Variants in COX15 observed in about 807,000 individuals in gnomAD.
COX15 encodes cytochrome c oxidase assembly factor COX15.
In COX15, 51 loss-of-function variants were observed where a neutral mutation model predicts 51.9. The observed-to-expected ratio is 0.98, with a 90% confidence interval of 0.78 to 1.24. COX15 has a LOEUF of 1.24. Among genes scored for constraint, COX15 ranks in the 50% most tolerant of loss-of-function variants. The probability of loss-of-function intolerance (pLI) is 0.00; values close to 1 mark genes in which losing one functional copy is unlikely to be tolerated. For synonymous variants in COX15, 188 were observed against 190.5 expected, an observed-to-expected ratio of 0.99 and a Z score of 0.11; for missense variants, 420 against 501.1, an observed-to-expected ratio of 0.84 and a Z score of 1.55.
chr10:99,703,075 A>G, the COX15 span, among the ~76,000 whole-genome samples: 4 of 152,354 alleles, frequency 2.6e-5, no homozygotes, highest in Non-Finnish European at 5.9e-5. Context: ...GCAATCTTTC[A>G]TAACATACAG....
At chr10:99,697,093 T>C in the COX15 span, among the ~76,000 whole-genome samples, 1 of 152,216 alleles carries the variant, frequency 6.6e-6, no homozygotes, top group Non-Finnish European at 1.5e-5. Context: ...CAATCAATTA[T>C]CTTATATTTA....
downstream of COX15, chr10:99,709,308 T>A (rs991564987): frequency 2.0e-6 from 2 of 985,406 alleles, no homozygotes; most frequent in Non-Finnish European, 2.4e-6. Context: ...TATCTAATTG[T>A]CCTTTTTGCT....
intron 1 of COX15, among the ~76,000 whole-genome samples, chr10:99,731,710 A>G (rs2037153491): frequency 6.6e-6 from 1 of 152,224 alleles, no homozygotes; most frequent in Non-Finnish European, 1.5e-5. Context: ...AACAAACCTT[A>G]AAGTAGGTAT....
chr10:99,717,205 C>T (rs1307624084), intron 7 of COX15, among the ~76,000 whole-genome samples: 3 of 152,126 alleles, frequency 2.0e-5, no homozygotes, highest in South Asian at 2.1e-4. Context: ...TCATCTCACA[C>T]TCAACATACC....
downstream of COX15, among the ~76,000 whole-genome samples, chr10:99,708,259 T>A (rs951647688): frequency 6.6e-6 from 1 of 152,256 alleles, no homozygotes; most frequent in African/African-American, 2.4e-5. Context: ...CTAGTGTTTT[T>A]AGGCATTAAC....
chr10:99,724,242 G>A (rs1225854521), intron 4 of COX15, 119 bp from the exon 5 acceptor site: 3 of 1,159,964 alleles, frequency 2.6e-6, no homozygotes, highest in Non-Finnish European at 3.7e-6. Context: ...GAGTGCAGTG[G>A]CGGGATCTTG....
chr10:99,714,015 T>G lies in COX15; in HGVS notation c.*572A>C, dbSNP rs1340293338. On this transcript the variant is annotated 3_prime_UTR_variant, in exon 9 of 9. Transcript: ENST00000016171. ...GGAACTATTTGGCGATTACCTCCTTTTCCAAGTACTTAAAAACCATTTTGC... is the reference window on the plus strand; with the variant it reads ...GGAACTATTTGGCGATTACCTCCTTGTCCAAGTACTTAAAAACCATTTTGC... 1.0e-6 allele frequency: 1 copy of G among 1,000,650 alleles called. No homozygotes were observed. The highest frequency in any genetic ancestry group is 1.2e-6 in the Non-Finnish European group (1 of 839,246). 62.0% of individuals were successfully genotyped at this position (1,000,650 alleles called of 1,614,324 possible).
At chr10:99,707,944 GTTT>G (rs2036284899), downstream of COX15, among the ~76,000 whole-genome samples, 1 of 152,150 alleles carries the variant, frequency 6.6e-6, no homozygotes, top group Non-Finnish European at 1.5e-5. Context: ...ACAAGTGCAG[GTTT>G]GTTACATGAG....
At chr10:99,698,069 T>C in the COX15 span, 2 of 194,736 alleles carry the variant, frequency 1.0e-5, no homozygotes, top group African/African-American at 4.7e-5. Context: ...GAGGCAGGCA[T>C]GGGCTCCATC....
chr10:99,711,492 G>A lies in COX15; in HGVS notation c.*3095C>T. On this transcript the variant is annotated 3_prime_UTR_variant, in exon 9 of 9. Transcript: ENST00000016171. ...AGCAACATAGCAGATCAAATGATAAGGTGGGGTGGAAATTAGAAGGGAATG... is the reference window on the plus strand; with the variant it reads ...AGCAACATAGCAGATCAAATGATAAAGTGGGGTGGAAATTAGAAGGGAATG... 2 of 985,354 alleles carry A rather than the reference G, an allele frequency of 2.0e-6. No homozygotes were observed. The highest frequency in any genetic ancestry group is 2.4e-6 in the Non-Finnish European group (2 of 829,914). 61.0% of individuals were successfully genotyped at this position (985,354 alleles called of 1,614,324 possible).
At position 99,713,947 on chromosome 10, in the gene COX15, G is replaced by A. The variant is rs1284915770; in HGVS notation, c.*640C>T. ...GATCACGCCATTGTACTCCAGCCTG[G>A]GCAACAAGAGTGAAACTCTGTCTCA... is the stretch of plus-strand genomic sequence containing the variant. On this transcript the variant is annotated 3_prime_UTR_variant, in exon 9 of 9. Coordinates refer to ENST00000016171, the MANE Select transcript of COX15 (RefSeq NM_078470.6). 2.1e-6 allele frequency: 2 copies of A among 955,550 alleles called. No homozygotes were observed. The highest frequency in any genetic ancestry group is 1.1e-4 in the Admixed American group (2 of 17,818). 59.2% of individuals were successfully genotyped at this position (955,550 alleles called of 1,614,324 possible).
chr10:99,695,441 G>A, the COX15 span, among the ~76,000 whole-genome samples: 77 of 152,046 alleles, frequency 5.1e-4, no homozygotes, highest in South Asian at 8.3e-4. Context: ...AGAATTGCTT[G>A]AACCCGGGAG....
At position 99,726,953 on chromosome 10, in the gene COX15, T is replaced by G. The variant is rs1057521181; in HGVS notation, c.582+15A>C. Reference sequence around the variant, plus strand: ...TGGGAGCATTTCTGGTTTCTCAACCTTGAATAAATCTTACCTGGAAGCAGA... The same window carrying G: ...TGGGAGCATTTCTGGTTTCTCAACCGTGAATAAATCTTACCTGGAAGCAGA... On this transcript the variant is annotated intron_variant, in intron 4 of 8. Transcript: ENST00000016171. 6.2e-7 allele frequency: 1 copy of G among 1,607,212 alleles called. No homozygotes were observed. The highest frequency in any genetic ancestry group is 2.2e-5 in the East Asian group (1 of 44,658).
the COX15 span, chr10:99,698,448 T>C: frequency 5.3e-6 from 7 of 1,317,422 alleles, no homozygotes; most frequent in South Asian, 4.3e-5. Context: ...TAGTAAGATA[T>C]TTCTGATGCA....
At chr10:99,716,653 A>G in intron 7 of COX15, 192 bp from the exon 8 acceptor site, 1 of 546,408 alleles carries the variant, frequency 1.8e-6, no homozygotes, top group Non-Finnish European at 3.4e-6. Flanking sequence ...TCTGCTTGCC[A>G]CTTAAACGTC....
the COX15 span, among the ~76,000 whole-genome samples, chr10:99,703,138 AT>A: frequency 6.6e-6 from 1 of 152,234 alleles, no homozygotes; most frequent in Non-Finnish European, 1.5e-5. Context: ...GTGGGTCAGA[AT>A]TAGAATAAAG....
rs2133554624 is a variant in COX15 at position 99,711,595 on chromosome 10, A to G, written c.*2992T>C. The G allele has an allele frequency of 1.0e-6, 1 of 985,238 alleles. No individual in the cohort carries two copies. The highest frequency in any genetic ancestry group is 1.2e-6 in the Non-Finnish European group (1 of 829,762). The allele number at this position is 985,238 out of a possible 1,614,324, so 61.0% of individuals were successfully genotyped here. On this transcript the variant is annotated 3_prime_UTR_variant, in exon 9 of 9. Transcript: ENST00000016171. ...CAGTGGTCCCTAGACTTGTCTGCAC[A>G]TTGGAATCACCTGGGGAACTTTAAA... is the stretch of plus-strand genomic sequence containing the variant.
the COX15 span, among the ~76,000 whole-genome samples, chr10:99,703,785 G>A: frequency 6.6e-6 from 1 of 152,138 alleles, no homozygotes; most frequent in Non-Finnish European, 1.5e-5. Context: ...GCAGTGCCGT[G>A]TTCATAGCTC....
intron 5 of COX15, among the ~76,000 whole-genome samples, chr10:99,722,445 A>C: frequency 6.6e-6 from 1 of 152,090 alleles, no homozygotes; most frequent in East Asian, 1.9e-4. Context: ...AAGAAGGAAT[A>C]GATTGTCAGG....
Sources: allele counts gnomAD v4.1 joint callset (sites outside exome capture counted in the v4.1 genomes callset), GRCh38; gene constraint gnomAD v4.1.1; transcripts MANE v1.5; gene names NCBI Gene and HGNC (gene_info 2026-07-23, HGNC 2026-07-21).